TUBB3: variants seen among roughly 807,000 people sequenced by gnomAD.
TUBB3 encodes tubulin beta-3 chain.
A neutral mutation model predicts 37.8 loss-of-function variants in TUBB3; 17 were observed. The observed-to-expected ratio is 0.45, with a 90% CI of 0.31 to 0.67. TUBB3 has a LOEUF of 0.67. TUBB3 is among the 30% of genes least tolerant of loss of function. The probability of loss-of-function intolerance (pLI) is 0.07; values close to 1 mark genes in which losing one functional copy is unlikely to be tolerated. For missense variants in TUBB3, 262 were observed against 657.9 expected (o/e 0.40, Z 6.58); for synonymous variants, 332 against 278.9 (o/e 1.19, Z -1.90).
chr16:89,926,315 C>T (rs1435389187), intron 1 of TUBB3, among the ~76,000 whole-genome samples: 3 of 152,212 alleles, frequency 2.0e-5, no homozygotes, highest in Non-Finnish European at 4.4e-5. Context: ...GAGTCCCTGG[C>T]TCGCCCCGCC....
Position 89,935,866 on chromosome 16 carries a change from A to G in TUBB3, c.*62A>G. 5 of 1,547,964 alleles carry G rather than the reference A, an allele frequency of 3.2e-6. No homozygotes were observed. The South Asian group carries it at 6.0e-5, about 18-fold the overall frequency. On this transcript the variant is annotated 3_prime_UTR_variant, in exon 4 of 4. Transcript: ENST00000315491. ...CGGGGCCGAAGCCAGCAGTGTCTAA[A>G]CCCCCGGAGCCATCTTGCTGCCGAC... is the stretch of plus-strand genomic sequence containing the variant.
chr16:89,935,775 G>A lies in TUBB3; in HGVS notation c.1324G>A (p.Glu442Lys). 2 of 1,613,700 alleles carry A rather than the reference G, an allele frequency of 1.2e-6. No homozygotes were observed. Among genetic ancestry groups the A allele is most frequent in the Non-Finnish European group, 1.7e-6 (2 of 1,179,880 alleles). The stretch of plus-strand genomic sequence containing the variant: ...GGGCGAGATGTACGAAGACGACGAG[G>A]AGGAGTCGGAGGCCCAGGGCCCCAA... ...EEGEMYEDDE[E>K]ESEAQGPK Residue 442 changes from glutamate to lysine, a missense_variant, in exon 4 of 4, where the codon GAG becomes AAG. Transcript: ENST00000315491.
In TUBB3 at chr16:89,933,584, T is replaced by A. The variant is rs746488710; in HGVS notation, c.277+6T>A. 5.5e-5 allele frequency: 89 copies of A among 1,609,288 alleles called. No homozygotes were observed. The highest frequency in any genetic ancestry group is 2.2e-5 in the East Asian group (1 of 44,884). On this transcript the variant is annotated splice_donor_region_variant and intron_variant, in intron 3 of 3. Transcript: ENST00000315491. Reference sequence around the variant, plus strand: ...GCCTGACAATTTCATCTTTGGTAAGTTCCCCCTGCTCCAAGCTCTGATGGC... The same window carrying A: ...GCCTGACAATTTCATCTTTGGTAAGATCCCCCTGCTCCAAGCTCTGATGGC...
chr16:89,923,862 G>A (rs1394664719), intron 1 of TUBB3, among the ~76,000 whole-genome samples: 2 of 152,088 alleles, frequency 1.3e-5, no homozygotes, highest in Non-Finnish European at 2.9e-5. Flanking sequence ...GGGGTGGGGG[G>A]TTCTCCTCAC....
chr16:89,934,611 A>G, intron 3 of TUBB3, 118 bp from the exon 4 acceptor site: 1 of 1,027,476 alleles, frequency 9.7e-7, no homozygotes, highest in Non-Finnish European at 1.5e-6. Context: ...CCTACTTTAC[A>G]GAAGACAGAA....
chr16:89,935,933 C>A lies in TUBB3; in HGVS notation c.*129C>A. Reference sequence around the variant, plus strand: ...GCCCTAGGGCTCCCTTGCCGCCCTCCTGCAGTATTTATGGCCTCGTCCTCC... The same window carrying A: ...GCCCTAGGGCTCCCTTGCCGCCCTCATGCAGTATTTATGGCCTCGTCCTCC... On this transcript the variant is annotated 3_prime_UTR_variant, in exon 4 of 4. Transcript: ENST00000315491. The A allele has an allele frequency of 8.0e-7, 1 of 1,244,668 alleles. No individual in the cohort carries two copies. The highest frequency in any genetic ancestry group is 1.1e-6 in the Non-Finnish European group (1 of 902,800). The allele number at this position is 1,244,668 out of a possible 1,614,324, so 77.1% of individuals were successfully genotyped here. A position where few individuals can be genotyped will look rare whatever the true frequency, so the allele number is the denominator to read the frequency against.
In TUBB3 at chr16:89,935,949, C is replaced by T; in HGVS notation, c.*145C>T. 2.9e-6 allele frequency: 3 copies of T among 1,039,172 alleles called. No individual in the cohort carries two copies. The South Asian group carries it at 5.0e-5, about 17-fold the overall frequency. The allele number at this position is 1,039,172 out of a possible 1,614,324, so 64.4% of individuals were successfully genotyped here. A position where few individuals can be genotyped will look rare whatever the true frequency, so the allele number is the denominator to read the frequency against. ...GCCGCCCTCCTGCAGTATTTATGGC[C>T]TCGTCCTCCCCACCTAGGCCACGTG... On this transcript the variant is annotated 3_prime_UTR_variant, in exon 4 of 4. Transcript: ENST00000315491.
Position 89,935,794 on chromosome 16 carries a change from G to T in TUBB3, c.1343G>T (p.Gly448Val), listed in dbSNP as rs1351575041. The T allele has an allele frequency of 5.0e-6, 8 of 1,612,900 alleles. No homozygotes were observed. The highest frequency in any genetic ancestry group is 6.8e-6 in the Non-Finnish European group (8 of 1,179,520). Residue 448 changes from glycine to valine, a missense_variant, in exon 4 of 4, where the codon GGC becomes GTC. This residue lies in a region of TUBB3 where 39 missense variants were observed against 26.9 expected (regional missense o/e 1.45). Transcript: ENST00000315491. The stretch of plus-strand genomic sequence containing the variant: ...GACGAGGAGGAGTCGGAGGCCCAGG[G>T]CCCCAAGTGAAGCTGCTCGCAGCTG... ...EDDEEESEAQ[G>V]PK
chr16:89,924,111 T>A (rs556231066), intron 1 of TUBB3, among the ~76,000 whole-genome samples: 3 of 152,274 alleles, frequency 2.0e-5, no homozygotes, highest in South Asian at 2.1e-4. Flanking sequence ...CCACCCAGGG[T>A]CTACCAGTCT....
chr16:89,934,366 C>T (rs1190838218), intron 3 of TUBB3: 3 of 502,920 alleles, frequency 6.0e-6, no homozygotes, highest in Non-Finnish European at 1.2e-5. Flanking sequence ...GCATCCAGCC[C>T]CCAGCTGCCA....
chr16:89,927,595 T>G (rs537473636), intron 1 of TUBB3, among the ~76,000 whole-genome samples: 1 of 152,310 alleles, frequency 6.6e-6, no homozygotes, highest in Admixed American at 6.5e-5. Flanking sequence ...AAGTGACCTG[T>G]GCATATGGTT....
At chr16:89,933,836 C>G in intron 3 of TUBB3, 1 of 698,016 alleles carries the variant, frequency 1.4e-6, no homozygotes, top group Non-Finnish European at 2.6e-6. Context: ...TGCTAGAGAG[C>G]TGGTGAGACA....
intron 1 of TUBB3, among the ~76,000 whole-genome samples, chr16:89,928,830 A>AT (rs201112914): frequency 0.11 from 17,115 of 150,802 alleles, 1,243 homozygotes; most frequent in Middle Eastern, 0.27. Context: ...GTCTGGCCTA[A>AT]TTTTTGTATT....
At chr16:89,930,059 CCTCT>C (rs1337344377) in intron 1 of TUBB3, among the ~76,000 whole-genome samples, 1 of 93,128 alleles carries the variant, frequency 1.1e-5, no homozygotes, top group Non-Finnish European at 2.2e-5. Context: ...TTCCTTCCTT[CCTCT>C]CTCTCTCTCT....
chr16:89,923,346 G>C lies in TUBB3; in HGVS notation c.-56G>C. On this transcript the variant is annotated 5_prime_UTR_variant, in exon 1 of 4. Transcript: ENST00000315491. ...GCGCGGCCGCGGTCCCCGACCCTCA[G>C]CAGCCAGCCCGGCCCGCCCGCGCCC... The C allele has an allele frequency of 2.8e-6, 4 of 1,413,270 alleles. No homozygotes were observed. The highest frequency in any genetic ancestry group is 2.6e-4 in the Middle Eastern group (1 of 3,874). 87.5% of individuals were successfully genotyped at this position (1,413,270 alleles called of 1,614,324 possible).
intron 1 of TUBB3, among the ~76,000 whole-genome samples, chr16:89,930,185 A>G (rs1415895122): frequency 6.7e-6 from 1 of 149,298 alleles, no homozygotes; most frequent in East Asian, 2.0e-4. Context: ...ACTCACCACA[A>G]CCTCTGCCTC....
intron 3 of TUBB3, chr16:89,933,787 A>G (rs2030354011): frequency 2.8e-6 from 2 of 703,756 alleles, no homozygotes; most frequent in South Asian, 1.5e-5. Context: ...ATGCATTTCA[A>G]GTGGAATGAA....
intron 3 of TUBB3, chr16:89,933,795 G>T (rs750403670): frequency 1.4e-6 from 1 of 703,308 alleles, no homozygotes; most frequent in East Asian, 2.7e-5. Context: ...CAAGTGGAAT[G>T]AAGTGTAAAG....
Position 89,933,456 on chromosome 16 carries a change from C to T in TUBB3, c.167-12C>T, listed in dbSNP as rs1410120490. ...CTGTGACCCGAATCACCGAGCCCCT[C>T]TCTCCCCTCAGCTCACAAGTACGTG... On this transcript the variant is annotated splice_polypyrimidine_tract_variant and intron_variant, in intron 2 of 3. Coordinates refer to ENST00000315491, the MANE Select transcript of TUBB3 (RefSeq NM_006086.4). 3.1e-6 allele frequency: 5 copies of T among 1,609,128 alleles called. No homozygotes were observed. Among genetic ancestry groups the T allele is most frequent in the African/African-American group, 1.3e-5 (1 of 74,814 alleles).
Sources: allele counts gnomAD v4.1 joint callset (sites outside exome capture counted in the v4.1 genomes callset), GRCh38; gene constraint gnomAD v4.1.1; regional missense constraint gnomAD v4.1.1; transcripts MANE v1.5; gene names NCBI Gene and HGNC (gene_info 2026-07-23, HGNC 2026-07-21).